The following ANK3 variants were observed in gnomAD, a reference collection of about 807,000 sequenced individuals.
ANK3 encodes the protein ankyrin-3.
Under a neutral mutation model 370.9 loss-of-function variants are expected in ANK3, and 57 were observed. The observed-to-expected ratio is 0.15, with a 90% CI of 0.12 to 0.19. The LOEUF is 0.19. Among genes scored for constraint, ANK3 ranks in the 10% least tolerant of loss-of-function variants. ANK3 has a pLI of 1.00. For synonymous variants in ANK3, 1,929 were observed against 1,946.3 expected (o/e 0.99, Z 0.23); for missense variants, 4,439 against 5,302.1 (o/e 0.84, Z 5.06).
chr10:60,198,503 A>C lies in ANK3; in HGVS notation c.1526T>G (p.Leu509Arg). The change falls in exon 14 of 44, where the codon CTG (leucine) becomes CGG (arginine). Residue 509 changes from leucine to arginine, a missense_variant. This residue lies in a region of ANK3 where 227 missense variants were observed against 377.6 expected (regional missense o/e 0.60). Transcript: ENST00000280772. ...CTGTTGTACTATGTCTGCTTTCCCC[A>C]GTCGGGCTGAAATGTGGAGTGGTGT... ...DQTPLHISAR[L>R]GKADIVQQLL... The C allele has an allele frequency of 6.2e-7, 1 of 1,614,206 alleles. No individual in the cohort carries two copies. The highest frequency in any genetic ancestry group is 1.1e-5 in the South Asian group (1 of 91,074).
intron 5 of ANK3, among the ~76,000 whole-genome samples, chr10:60,267,016 A>G (rs1473889063): frequency 6.6e-6 from 1 of 152,226 alleles, no homozygotes; most frequent in African/African-American, 2.4e-5. Context: ...GATGCAGTAC[A>G]CAGTAATACA....
chr10:60,074,104 G>A lies in ANK3; in HGVS notation c.6777C>T (p.Gly2259=), dbSNP rs375743828. The change falls in exon 37 of 44, where the codon GGC becomes GGT. Residue 2259 remains glycine, a synonymous_variant. Transcript: ENST00000280772. The stretch of plus-strand genomic sequence containing the variant: ...CAATTCTTTCAGATGCACCTTCACC[G>A]CCTGGTGGAGAATGATAAACCATTC... ...TTRMVYHSPP[G]GEGASERIEE... The A allele has an allele frequency of 2.0e-5, 33 of 1,613,812 alleles. No individual in the cohort carries two copies. The highest frequency in any genetic ancestry group is 2.0e-4 in the Admixed American group (12 of 59,980).
chr10:60,349,691 G>A (rs10821738), intron 1 of ANK3, among the ~76,000 whole-genome samples: 57,772 of 152,024 alleles, frequency 0.38, 11,888 homozygotes, highest in Middle Eastern at 0.52. Flanking sequence ...AGAAACAGAG[G>A]AGAGGATATA....
intron 2 of ANK3, among the ~76,000 whole-genome samples, chr10:60,456,711 T>C (rs1241700077): frequency 6.6e-6 from 1 of 152,136 alleles, no homozygotes; most frequent in African/African-American, 2.4e-5. Context: ...ATCAACTCAG[T>C]CTTAGCTGCT....
intron 1 of ANK3, among the ~76,000 whole-genome samples, chr10:60,357,942 C>T (rs1466262503): frequency 2.0e-5 from 3 of 152,114 alleles, no homozygotes; most frequent in Non-Finnish European, 2.9e-5. Context: ...TGCTAACTTC[C>T]TCACATCATT....
chr10:60,332,976 A>G (rs954681476), intron 1 of ANK3, among the ~76,000 whole-genome samples: 1 of 152,214 alleles, frequency 6.6e-6, no homozygotes, highest in Admixed American at 6.5e-5. Flanking sequence ...AGCAGGGTCT[A>G]TTTAAAGTGT....
intron 7 of ANK3, among the ~76,000 whole-genome samples, chr10:60,248,955 A>C (rs1264808831): frequency 6.6e-6 from 1 of 152,232 alleles, no homozygotes; most frequent in East Asian, 1.9e-4. Context: ...TTCCAGCCAA[A>C]AGGAAACAGC....
intron 1 of ANK3, among the ~76,000 whole-genome samples, chr10:60,676,134 CA>C (rs61235530): frequency 0.052 from 7,874 of 151,966 alleles, 286 homozygotes; most frequent in African/African-American, 0.085. Context: ...ATAAAACAGT[CA>C]AAAAAATAAG....
At chr10:60,376,739 A>T (rs1016133910) in intron 1 of ANK3, among the ~76,000 whole-genome samples, 1 of 152,160 alleles carries the variant, frequency 6.6e-6, no homozygotes, top group African/African-American at 2.4e-5. Flanking sequence ...TTCAGCAAAG[A>T]TGAGGCACAC....
chr10:60,450,428 C>T (rs1376045631), intron 2 of ANK3, among the ~76,000 whole-genome samples: 1 of 152,198 alleles, frequency 6.6e-6, no homozygotes, highest in Non-Finnish European at 1.5e-5. Flanking sequence ...AATCAGCAAT[C>T]AGCTCTTTCT....
At chr10:60,192,171 C>A (rs969167858) in intron 16 of ANK3, among the ~76,000 whole-genome samples, 1 of 152,144 alleles carries the variant, frequency 6.6e-6, no homozygotes, top group South Asian at 2.1e-4. Context: ...GGATTACAGG[C>A]GTGAGCCACC....
At chr10:60,193,639 A>G (rs1591545531) in intron 16 of ANK3, among the ~76,000 whole-genome samples, 1 of 151,048 alleles carries the variant, frequency 6.6e-6, no homozygotes, top group African/African-American at 2.4e-5. Context: ...TGGGTGACAA[A>G]AAAAAAAAAA....
chr10:60,127,828 G>T (rs12257637), intron 25 of ANK3, among the ~76,000 whole-genome samples: 1 of 151,314 alleles, frequency 6.6e-6, no homozygotes, highest in Admixed American at 6.6e-5. Flanking sequence ...CTCCCAAGTA[G>T]CTGGGATTAC....
At chr10:60,448,619 C>T (rs906088426) in intron 2 of ANK3, among the ~76,000 whole-genome samples, 5 of 152,188 alleles carry the variant, frequency 3.3e-5, no homozygotes, top group Non-Finnish European at 5.9e-5. Context: ...TTACCTGCTT[C>T]GTGCATTTTC....
chr10:60,671,311 G>A (rs895673814), intron 1 of ANK3, among the ~76,000 whole-genome samples: 1 of 151,922 alleles, frequency 6.6e-6, no homozygotes, highest in Non-Finnish European at 1.5e-5. Context: ...AACCGGCCAA[G>A]TGCTTTCCTT....
intron 1 of ANK3, among the ~76,000 whole-genome samples, chr10:60,653,453 T>C (rs563283666): frequency 2.0e-5 from 3 of 152,294 alleles, no homozygotes; most frequent in African/African-American, 7.2e-5. Context: ...TTGTTGAAAA[T>C]TGATAATATA....
chr10:60,506,755 G>T (rs968137541), intron 2 of ANK3, among the ~76,000 whole-genome samples: 2 of 152,010 alleles, frequency 1.3e-5, no homozygotes, highest in African/African-American at 4.8e-5. Flanking sequence ...CAAGATTCAA[G>T]GTCCAGAAGG....
At chr10:60,401,326 A>G (rs2063348345) in intron 2 of ANK3, among the ~76,000 whole-genome samples, 1 of 152,216 alleles carries the variant, frequency 6.6e-6, no homozygotes, top group Admixed American at 6.5e-5. Flanking sequence ...ACTGATAGGC[A>G]ATGATACTAA....
chr10:60,050,245 C>G (rs1048288439), intron 42 of ANK3, among the ~76,000 whole-genome samples: 2 of 152,178 alleles, frequency 1.3e-5, no homozygotes, highest in African/African-American at 4.8e-5. Flanking sequence ...TGCTTATATA[C>G]ATGGAATTTT....
Sources: gnomAD v4.1 joint callset for allele counts (sites outside exome capture counted in the v4.1 genomes callset) on GRCh38, gnomAD v4.1.1 for gene constraint, gnomAD v4.1.1 regional missense constraint, MANE v1.5 for transcripts, NCBI Gene and HGNC (gene_info 2026-07-23, HGNC 2026-07-21) for gene names.